ARB2A: variants seen among roughly 807,000 people sequenced by gnomAD.
The protein encoded by ARB2A is ARB2 cotranscriptional regulator A.
the ARB2A span, among the ~76,000 whole-genome samples, chr5:93,625,320 C>T: frequency 1.6e-4 from 25 of 151,998 alleles, no homozygotes; most frequent in African/African-American, 4.6e-4. Context: ...AGTAAAAGCA[C>T]GGCATAATAT....
the ARB2A span, chr5:93,964,463 T>C: frequency 6.4e-7 from 1 of 1,563,126 alleles, no homozygotes; most frequent in African/African-American, 1.4e-5. Context: ...CTTACTGGAA[T>C]AGATACTTTT....
chr5:93,979,629 AT>A, the ARB2A span, among the ~76,000 whole-genome samples: 238 of 152,124 alleles, frequency 1.6e-3, 1 homozygote, highest in African/African-American at 5.4e-3. Context: ...CTGCTCTTAC[AT>A]TTTAGACGAA....
chr5:93,733,383 T>G, the ARB2A span: 1 of 152,008 alleles, frequency 6.6e-6, no homozygotes, highest in African/African-American at 2.4e-5. Context: ...GTATTTTTAG[T>G]AGAGATGGGT....
chr5:93,874,306 T>C, the ARB2A span, among the ~76,000 whole-genome samples: 1 of 152,078 alleles, frequency 6.6e-6, no homozygotes, highest in African/African-American at 2.4e-5. Context: ...CATCACTGAG[T>C]TTATGCTAAT....
At chr5:93,875,486 C>T in the ARB2A span, among the ~76,000 whole-genome samples, 15 of 152,166 alleles carry the variant, frequency 9.9e-5, no homozygotes, top group Non-Finnish European at 1.6e-4. Flanking sequence ...CCCATTTGGC[C>T]TCCCAAAGTG....
At chr5:94,070,421 T>C in the ARB2A span, among the ~76,000 whole-genome samples, 3 of 152,134 alleles carry the variant, frequency 2.0e-5, no homozygotes, top group African/African-American at 7.2e-5. Context: ...TAATGTTCAA[T>C]AGCATATAGG....
chr5:93,937,055 A>C, the ARB2A span, among the ~76,000 whole-genome samples: 1 of 142,514 alleles, frequency 7.0e-6, no homozygotes, highest in African/African-American at 2.6e-5. Context: ...TTGTATTTTT[A>C]GTAGAGGCAG....
chr5:93,868,897 G>A, the ARB2A span, among the ~76,000 whole-genome samples: 2 of 152,020 alleles, frequency 1.3e-5, no homozygotes, highest in Non-Finnish European at 2.9e-5. Flanking sequence ...ATCGCATTTC[G>A]ACTGCCTTAC....
At chr5:94,069,335 T>C in the ARB2A span, among the ~76,000 whole-genome samples, 1 of 152,176 alleles carries the variant, frequency 6.6e-6, no homozygotes, top group Non-Finnish European at 1.5e-5. Flanking sequence ...ACAAAGCTAG[T>C]AGAATGAAAC....
chr5:94,075,203 C>T, the ARB2A span, among the ~76,000 whole-genome samples: 1 of 151,856 alleles, frequency 6.6e-6, no homozygotes, highest in Non-Finnish European at 1.5e-5. Context: ...GAATGTCTTC[C>T]TTCTGGAACA....
chr5:93,696,843 C>T, the ARB2A span, among the ~76,000 whole-genome samples: 1 of 151,832 alleles, frequency 6.6e-6, no homozygotes, highest in Non-Finnish European at 1.5e-5. Flanking sequence ...GGGTGGATTG[C>T]CTGAGGTCGA....
chr5:93,783,007 C>G, the ARB2A span, among the ~76,000 whole-genome samples: 2 of 152,154 alleles, frequency 1.3e-5, no homozygotes, highest in East Asian at 3.9e-4. Context: ...TAGATGGAAG[C>G]TACACAGATT....
the ARB2A span, among the ~76,000 whole-genome samples, chr5:93,974,677 C>G: frequency 2.0e-5 from 3 of 152,126 alleles, no homozygotes; most frequent in African/African-American, 7.2e-5. Context: ...GAACATATTT[C>G]AGGATTGCTG....
the ARB2A span, among the ~76,000 whole-genome samples, chr5:93,918,962 GT>G: frequency 6.6e-6 from 1 of 152,140 alleles, no homozygotes; most frequent in Non-Finnish European, 1.5e-5. Context: ...AACTTGAACA[GT>G]GGGCAGTGGT....
chr5:93,812,954 T>A, the ARB2A span, among the ~76,000 whole-genome samples: 2 of 152,156 alleles, frequency 1.3e-5, no homozygotes, highest in African/African-American at 4.8e-5. Flanking sequence ...GGGGTTAGTG[T>A]CCTTATAAGA....
the ARB2A span, among the ~76,000 whole-genome samples, chr5:94,097,687 A>T: frequency 6.6e-6 from 1 of 152,078 alleles, no homozygotes; most frequent in Non-Finnish European, 1.5e-5. Flanking sequence ...TTCTTTAGTA[A>T]ATTGCCCAGT....
the ARB2A span, among the ~76,000 whole-genome samples, chr5:93,744,548 T>A: frequency 6.6e-6 from 1 of 151,222 alleles, no homozygotes. Flanking sequence ...TGGTCAGATC[T>A]CATCTACCAA....
At chr5:94,007,759 A>G in the ARB2A span, among the ~76,000 whole-genome samples, 3 of 151,022 alleles carry the variant, frequency 2.0e-5, no homozygotes, top group Non-Finnish European at 4.4e-5. Context: ...TGAGTGACAA[A>G]GCAAGACTCT....
the ARB2A span, among the ~76,000 whole-genome samples, chr5:93,626,271 GAT>G: frequency 6.6e-6 from 1 of 152,094 alleles, no homozygotes; most frequent in Admixed American, 6.5e-5. Flanking sequence ...TTCTTCAAAT[GAT>G]ATCACACACA....
Sources: allele counts gnomAD v4.1 joint callset (sites outside exome capture counted in the v4.1 genomes callset), GRCh38; gene constraint gnomAD v4.1.1; transcripts MANE v1.5; gene names NCBI Gene and HGNC (gene_info 2026-07-23, HGNC 2026-07-21).